The following TRANK1 variants were observed in gnomAD, a reference collection of about 807,000 sequenced individuals.
TRANK1 encodes tetratricopeptide repeat and ankyrin repeat containing 1.
TRANK1 carries 198 observed loss-of-function variants against 266.0 expected under a neutral mutation model. That is an observed-to-expected ratio of 0.74 (90% CI 0.66 to 0.84). The LOEUF is 0.84. Ranked by LOEUF, TRANK1 falls within the 40% of genes least tolerant of loss-of-function variation. TRANK1 has a pLI of 0.00. For synonymous variants in TRANK1, 1,396 were observed against 1,384.1 expected, an observed-to-expected ratio of 1.01 and a Z score of -0.19; for missense variants, 3,326 against 3,634.6, an observed-to-expected ratio of 0.92 and a Z score of 2.18.
chr3:36,903,043 C>G, intron 3 of TRANK1, 106 bp downstream of exon 3: 1 of 1,400,828 alleles, frequency 7.1e-7, no homozygotes, highest in Non-Finnish European at 9.4e-7. Flanking sequence ...CAGCTGCCAC[C>G]CCCAGGTGCC....
intron 15 of TRANK1, chr3:36,851,471 A>T (rs1047778363): frequency 1.4e-5 from 17 of 1,238,812 alleles, no homozygotes; most frequent in Admixed American, 4.2e-5. Context: ...GCACTTGGGT[A>T]CTAGAGAGCC....
chr3:36,909,844 C>A (rs1423071499), intron 1 of TRANK1, among the ~76,000 whole-genome samples: 1 of 152,176 alleles, frequency 6.6e-6, no homozygotes, highest in African/African-American at 2.4e-5. Context: ...TCTACCTATG[C>A]TTTTCATGTA....
intron 1 of TRANK1, among the ~76,000 whole-genome samples, chr3:36,910,330 C>T (rs1418179727): frequency 1.3e-5 from 2 of 152,228 alleles, no homozygotes; most frequent in African/African-American, 4.8e-5. Context: ...GGTTTAGCCT[C>T]ATGGATGTTC....
intron 1 of TRANK1, among the ~76,000 whole-genome samples, chr3:36,914,283 G>A (rs769178437): frequency 4.0e-5 from 6 of 151,758 alleles, no homozygotes; most frequent in East Asian, 1.9e-4. Context: ...ACAGGCGCAC[G>A]CCACCATGCC....
chr3:36,879,167 AAAG>A (rs2079436130), intron 8 of TRANK1, among the ~76,000 whole-genome samples: 1 of 151,798 alleles, frequency 6.6e-6, no homozygotes, highest in Non-Finnish European at 1.5e-5. Flanking sequence ...AAAAAAAAAG[AAAG>A]AAAACTATTT....
Position 36,895,882 on chromosome 3 carries a change from C to A in TRANK1, c.434-124G>T. On this transcript the variant is annotated intron_variant, in intron 4 of 23. Transcript: ENST00000645898. ...AAATTAAAGATACCCTAAAGAAAGG[C>A]ATTTTCAAAGTAGTATGAAGTCCTT... is the stretch of plus-strand genomic sequence containing the variant. 8.2e-6 allele frequency: 5 copies of A among 612,168 alleles called. No individual in the cohort carries two copies. The South Asian group carries it at 1.2e-4, about 15-fold the overall frequency. 37.9% of individuals were successfully genotyped at this position (612,168 alleles called of 1,614,324 possible).
Position 36,842,667 on chromosome 3 carries a change from C to T in TRANK1, c.5235G>A (p.Glu1745=). The change falls in exon 18 of 24, where the codon GAG becomes GAA. Residue 1745 remains glutamate (E), a synonymous_variant. Coordinates refer to ENST00000645898, the MANE Select transcript of TRANK1 (RefSeq NM_001329998.2). ...CGTAGTAATCTCCCTGTGCAATCCA[C>T]TCCGCAGGAGTTGAGGTCTTAACGA... ...SMFVKTSTPA[E]WIAQGDYYAK... is the part of the protein sequence containing the mutation. 6.2e-7 allele frequency: 1 copy of T among 1,614,020 alleles called. No homozygotes were observed. The highest frequency in any genetic ancestry group is 1.7e-5 in the Admixed American group (1 of 60,026).
At position 36,899,211 on chromosome 3, in the gene TRANK1, C is replaced by T. The variant is rs868862203; in HGVS notation, c.331G>A (p.Glu111Lys). Residue 111 changes from glutamate to lysine, a missense_variant, in exon 4 of 24, where the codon GAA becomes AAA. Transcript: ENST00000645898. Reference protein sequence around the residue: ...YSLLRLHQPYEAARMFFEGLR... With the variant: ...YSLLRLHQPYKAARMFFEGLR... ...CCCTCAAAAAACATGCGAGCGGCTTCGTAAGGCTGGTGCAACCTCAGCAAG... is the reference window on the plus strand; with the variant it reads ...CCCTCAAAAAACATGCGAGCGGCTTTGTAAGGCTGGTGCAACCTCAGCAAG... The T allele has an allele frequency of 6.5e-7, 1 of 1,537,270 alleles. No individual in the cohort carries two copies. The highest frequency in any genetic ancestry group is 8.7e-7 in the Non-Finnish European group (1 of 1,146,926).
In TRANK1 at chr3:36,838,419, C is replaced by A; in HGVS notation, c.5470G>T (p.Ala1824Ser). 6.2e-7 allele frequency: 1 copy of A among 1,614,050 alleles called. No homozygotes were observed. Among genetic ancestry groups the A allele is most frequent in the South Asian group, 1.1e-5 (1 of 91,080 alleles). Residue 1824 changes from alanine (A) to serine (S), a missense_variant, in exon 20 of 24, where the codon GCC becomes TCC. Ala to Ser is a moderately conservative substitution (Grantham distance 99, BLOSUM62 1). Coordinates refer to ENST00000645898, the MANE Select transcript of TRANK1 (RefSeq NM_001329998.2). ...PTLSLKCLSY[A>S]KEFQLSAQLC... ...TGGGCAGAGAGCTGGAACTCCTTGGCATAGCTCAGACACTTAAGGGACAGT... is the reference window on the plus strand; with the variant it reads ...TGGGCAGAGAGCTGGAACTCCTTGGAATAGCTCAGACACTTAAGGGACAGT...
At chr3:36,905,854 G>C (rs1018942276) in intron 2 of TRANK1, among the ~76,000 whole-genome samples, 1 of 152,164 alleles carries the variant, frequency 6.6e-6, no homozygotes, top group African/African-American at 2.4e-5. Context: ...TCTCCTGCAA[G>C]TACGCTGTAA....
At position 36,831,862 on chromosome 3, in the gene TRANK1, T is replaced by C. The variant is rs769826177; in HGVS notation, c.7721A>G (p.Glu2574Gly). Residue 2574 changes from glutamate to glycine, a missense_variant, in exon 22 of 24, where the codon GAG becomes GGG. Glu to Gly is a moderately conservative substitution (Grantham distance 98, BLOSUM62 -2). Coordinates refer to ENST00000645898, the MANE Select transcript of TRANK1 (RefSeq NM_001329998.2). This position sits in a 1 kb window ranked among gnomAD's most constrained non-coding sequence, Gnocchi z 5.0. ...CTTGCAGTATGGCTGCAGGATCTCC[T>C]CAGCATTCACTAGCATCACCAAGCA... ...VLCLVMLVNA[E>G]EILQPYCKPL... The C allele has an allele frequency of 1.4e-5, 22 of 1,613,880 alleles. No individual in the cohort carries two copies. The Admixed American group carries it at 1.7e-4, about 12-fold the overall frequency.
chr3:36,881,097 C>T (rs2079525334), intron 8 of TRANK1, among the ~76,000 whole-genome samples: 3 of 151,760 alleles, frequency 2.0e-5, no homozygotes, highest in Admixed American at 2.0e-4. Context: ...AATATTTTTC[C>T]CCTTTAAAAT....
intron 1 of TRANK1, among the ~76,000 whole-genome samples, chr3:36,922,178 G>C (rs1484917432): frequency 1.3e-5 from 2 of 151,950 alleles, no homozygotes; most frequent in Admixed American, 1.3e-4. Flanking sequence ...AATAAAAAAT[G>C]AAAGCAGGGC....
Position 36,856,578 on chromosome 3 carries a change from C to T in TRANK1, c.3144G>A (p.Val1048=), listed in dbSNP as rs369022519. The change falls in exon 13 of 24, where the codon GTG becomes GTA. Residue 1048 remains valine, a synonymous_variant. Coordinates refer to ENST00000645898, the MANE Select transcript of TRANK1 (RefSeq NM_001329998.2). ...FNILNDTTAT[V]EYPFRVGELE... ...GCTCACCCACCCGGAAGGGGTACTC[C>T]ACTGTGGCTGTCGTGTCATTGAGGA... is the stretch of plus-strand genomic sequence containing the variant. 2.1e-5 allele frequency: 34 copies of T among 1,613,992 alleles called. No individual in the cohort carries two copies. The South Asian group carries it at 3.4e-4, about 16-fold the overall frequency.
chr3:36,884,545 AT>A (rs896080571), intron 8 of TRANK1, among the ~76,000 whole-genome samples: 1 of 152,232 alleles, frequency 6.6e-6, no homozygotes, highest in African/African-American at 2.4e-5. Context: ...ATTGGATTTT[AT>A]CCCATAGAAT....
At chr3:36,905,704 C>T (rs2079956646) in intron 2 of TRANK1, among the ~76,000 whole-genome samples, 1 of 152,214 alleles carries the variant, frequency 6.6e-6, no homozygotes, top group South Asian at 2.1e-4. Context: ...AGGTTAACCT[C>T]CTTGCCTCAA....
In TRANK1 at chr3:36,846,257, C is replaced by T. The variant is rs770944913; in HGVS notation, c.5182G>A (p.Glu1728Lys). Residue 1728 changes from glutamate (E) to lysine (K), a missense_variant, in exon 17 of 24, where the codon GAA becomes AAA. Glu to Lys is a moderately conservative substitution (Grantham distance 56, BLOSUM62 1). Coordinates refer to ENST00000645898, the MANE Select transcript of TRANK1 (RefSeq NM_001329998.2). ...RDFVQVVKTD[E>K]NKDFDDSMFV... ...TTTAACAGGATCTTACCTTTATTTT[C>T]ATCTGTCTTTACAACTTGGACAAAA... 2 of 1,591,032 alleles carry T rather than the reference C, an allele frequency of 1.3e-6. No individual in the cohort carries two copies. Among genetic ancestry groups the T allele is most frequent in the Non-Finnish European group, 1.7e-6 (2 of 1,167,998 alleles).
Position 36,831,552 on chromosome 3 carries a change from G to T in TRANK1, c.8031C>A (p.Asp2677Glu). 1 of 1,613,432 alleles carries T rather than the reference G, an allele frequency of 6.2e-7. No homozygotes were observed. Residue 2677 changes from aspartate to glutamate, a missense_variant, in exon 22 of 24, where the codon GAC becomes GAA. By Grantham distance (45) the Asp-to-Glu change is conservative. Coordinates refer to ENST00000645898, the MANE Select transcript of TRANK1 (RefSeq NM_001329998.2). The surrounding 1 kb of genome is among the most constrained non-coding windows in gnomAD (Gnocchi z 5.0). ...EVRLNRLLCL[D>E]PVDYFAEPEC... ...CAGGTTCAGCAAAGTAGTCCACAGG[G>T]TCCAAACAGAGCAGGCGGTTTAGTC...
intron 1 of TRANK1, among the ~76,000 whole-genome samples, chr3:36,927,411 T>C (rs9985466): frequency 0.02 from 3,052 of 152,292 alleles, 113 homozygotes; most frequent in African/African-American, 0.069. Context: ...CCAGGACACA[T>C]AGCCCTCCTG....
Sources: allele counts gnomAD v4.1 joint callset (sites outside exome capture counted in the v4.1 genomes callset), GRCh38; gene constraint gnomAD v4.1.1; non-coding constraint Gnocchi (gnomAD v3.1); transcripts MANE v1.5; gene names NCBI Gene and HGNC (gene_info 2026-07-23, HGNC 2026-07-21).